The following SNTG1 variants were observed in gnomAD, a reference collection of about 807,000 sequenced individuals.
The protein encoded by SNTG1 is gamma-1-syntrophin.
In SNTG1, 39 loss-of-function variants were observed where a neutral mutation model predicts 74.7. The observed-to-expected ratio is 0.52, with a 90% CI of 0.40 to 0.68. The LOEUF (loss-of-function observed/expected upper bound fraction) is 0.68, where lower values mean the gene tolerates loss of function less well. Among genes scored for constraint, SNTG1 ranks in the 30% least tolerant of loss-of-function variants. The pLI is 0.00. For synonymous variants in SNTG1, 254 were observed against 217.1 expected (o/e 1.17, Z -1.49); for missense variants, 685 against 609.5 (o/e 1.12, Z -1.30).
At chr8:50,080,806 C>G (rs1490089850) in intron 1 of SNTG1, among the ~76,000 whole-genome samples, 5 of 152,216 alleles carry the variant, frequency 3.3e-5, no homozygotes, top group Non-Finnish European at 5.9e-5. Flanking sequence ...TACCTGCAAT[C>G]AGTTAGCAGC....
chr8:50,211,199 CTT>C (rs1438478804), intron 2 of SNTG1, among the ~76,000 whole-genome samples: 1 of 151,946 alleles, frequency 6.6e-6, no homozygotes, highest in Non-Finnish European at 1.5e-5. Flanking sequence ...AAGTACATAA[CTT>C]AGTGTAAAGA....
In SNTG1 at chr8:50,066,107, C is replaced by T. The variant is rs917980673; in HGVS notation, c.-102-106454C>T. Among the ~76,000 whole-genome samples, 7 of 152,220 alleles carry T rather than the reference C, an allele frequency of 4.6e-5. No individual in the cohort carries two copies. The South Asian group carries it at 1.0e-3, about 23-fold the overall frequency. Reference sequence around the variant, plus strand: ...GCACACGCCTTTAATCCCAGCTACTCAGGAGGCTGAGGCAGGAGAATCGCT... The same window carrying T: ...GCACACGCCTTTAATCCCAGCTACTTAGGAGGCTGAGGCAGGAGAATCGCT... On this transcript the variant is annotated intron_variant, in intron 1 of 18. Transcript: ENST00000642720.
chr8:50,766,529 G>C lies in SNTG1; in HGVS notation c.1395+14418G>C, dbSNP rs182612779. On this transcript the variant is annotated intron_variant, in intron 18 of 18. Transcript: ENST00000642720. ...TTGAGTATTTAAGATTTCATTATGAGACCAGGCTTGTTTTAGAGGGATTTA... is the reference window on the plus strand; with the variant it reads ...TTGAGTATTTAAGATTTCATTATGACACCAGGCTTGTTTTAGAGGGATTTA... 1.2e-3 allele frequency among the ~76,000 whole-genome samples: 187 copies of C among 151,972 alleles called. 1 individual carries two copies. Among genetic ancestry groups the C allele is most frequent in the Non-Finnish European group, 2.1e-3 (145 of 67,896 alleles).
intron 1 of SNTG1, among the ~76,000 whole-genome samples, chr8:49,915,972 A>G (rs533695740): frequency 1.3e-5 from 2 of 152,268 alleles, no homozygotes; most frequent in African/African-American, 4.8e-5. Context: ...TTTAAACGTC[A>G]CTATGATTTT....
chr8:50,752,798 A>C (rs7012353), intron 18 of SNTG1, among the ~76,000 whole-genome samples: 32,285 of 151,900 alleles, frequency 0.21, 5,209 homozygotes, highest in African/African-American at 0.46. Flanking sequence ...TTGGCAAAGT[A>C]TCCTGTAACA....
Position 50,296,097 on chromosome 8 carries a change from G to A in SNTG1, c.-27-98115G>A, listed in dbSNP as rs547722068. On this transcript the variant is annotated intron_variant, in intron 2 of 18. Transcript: ENST00000642720. The stretch of plus-strand genomic sequence containing the variant: ...CAGTAGACCACTCACAGCTCCCCAG[G>A]AGAGATGGAGAACACCATGTTCTGC... Among the ~76,000 whole-genome samples the A allele has an allele frequency of 3.9e-5, 6 of 152,182 alleles. No homozygotes were observed. The South Asian group carries it at 1.2e-3, about 32-fold the overall frequency.
intron 17 of SNTG1, among the ~76,000 whole-genome samples, chr8:50,729,142 G>A (rs1343135758): frequency 1.3e-5 from 2 of 152,194 alleles, no homozygotes; most frequent in East Asian, 1.9e-4. Context: ...GGCTGGTGAT[G>A]AGATGGACAC....
chr8:50,365,293 G>A (rs757549781), intron 2 of SNTG1, among the ~76,000 whole-genome samples: 13 of 152,032 alleles, frequency 8.6e-5, no homozygotes, highest in Non-Finnish European at 1.5e-4. Context: ...AAAGAGACAT[G>A]GTGAGATAAT....
At chr8:50,560,732 G>T (rs1375997971) in intron 12 of SNTG1, among the ~76,000 whole-genome samples, 1 of 152,064 alleles carries the variant, frequency 6.6e-6, no homozygotes, top group Non-Finnish European at 1.5e-5. Context: ...GGAGGGGAGG[G>T]AGAGCATCAA....
At position 50,794,206 on chromosome 8, in the gene SNTG1, A is replaced by G. The variant is rs2095699232; in HGVS notation, c.*1377A>G. On this transcript the variant is annotated 3_prime_UTR_variant, in exon 19 of 19. Coordinates refer to ENST00000642720, the MANE Select transcript of SNTG1 (RefSeq NM_018967.5). ...TCCTTGTGGAGATAACCAAGTATCTAATAAATTGATTCAATTTTTTTTTTC... is the reference window on the plus strand; with the variant it reads ...TCCTTGTGGAGATAACCAAGTATCTGATAAATTGATTCAATTTTTTTTTTC... 6.6e-6 allele frequency: 1 copy of G among 151,908 alleles called. No homozygotes were observed. The highest frequency in any genetic ancestry group is 2.4e-5 in the African/African-American group (1 of 41,400). 9.4% of individuals were successfully genotyped at this position (151,908 alleles called of 1,614,324 possible).
At chr8:50,775,399 A>G (rs1254914783) in intron 18 of SNTG1, among the ~76,000 whole-genome samples, 2 of 151,592 alleles carry the variant, frequency 1.3e-5, no homozygotes, top group Non-Finnish European at 3.0e-5. Context: ...TTGTATATAA[A>G]GGATTATTTA....
At chr8:50,276,060 A>G (rs1314968772) in intron 2 of SNTG1, among the ~76,000 whole-genome samples, 1 of 152,152 alleles carries the variant, frequency 6.6e-6, no homozygotes, top group East Asian at 1.9e-4. Context: ...TTGAATCTCT[A>G]CATATTTTAT....
intron 1 of SNTG1, among the ~76,000 whole-genome samples, chr8:50,092,545 C>T (rs377704475): frequency 6.6e-6 from 1 of 152,120 alleles, no homozygotes; most frequent in African/African-American, 2.4e-5. Flanking sequence ...TTCAGGACTC[C>T]CTGATATCCT....
At chr8:50,179,122 C>T (rs1394043831) in intron 2 of SNTG1, among the ~76,000 whole-genome samples, 2 of 152,068 alleles carry the variant, frequency 1.3e-5, no homozygotes, top group African/African-American at 2.4e-5. Context: ...ACCATGTATG[C>T]TTGGGTTGAT....
chr8:50,632,569 C>G (rs147979792), intron 13 of SNTG1, among the ~76,000 whole-genome samples: 2 of 152,000 alleles, frequency 1.3e-5, no homozygotes, highest in Admixed American at 6.6e-5. Context: ...CTTGGCCTCC[C>G]AAAGTGCTGA....
At chr8:50,564,392 A>G (rs1585699161) in intron 12 of SNTG1, among the ~76,000 whole-genome samples, 2 of 152,150 alleles carry the variant, frequency 1.3e-5, no homozygotes, top group African/African-American at 4.8e-5. Context: ...ATAATGATCA[A>G]TGAAGGATCA....
At chr8:49,939,245 A>T (rs922920104) in intron 1 of SNTG1, among the ~76,000 whole-genome samples, 2 of 152,172 alleles carry the variant, frequency 1.3e-5, no homozygotes, top group Non-Finnish European at 2.9e-5. Flanking sequence ...ATGGGTATAA[A>T]TTCATATGTT....
chr8:50,291,259 T>C (rs956594053), intron 2 of SNTG1, among the ~76,000 whole-genome samples: 2 of 151,868 alleles, frequency 1.3e-5, no homozygotes, highest in Admixed American at 1.3e-4. Flanking sequence ...TGTGTGTGTG[T>C]GTGTGTGTGT....
intron 5 of SNTG1, among the ~76,000 whole-genome samples, chr8:50,448,302 C>T (rs897510545): frequency 1.1e-4 from 17 of 151,592 alleles, no homozygotes; most frequent in Admixed American, 1.1e-3. Context: ...TTAGAAAGGA[C>T]TCTACTTGCC....
Sources: gnomAD v4.1 joint callset for allele counts (sites outside exome capture counted in the v4.1 genomes callset) on GRCh38, gnomAD v4.1.1 for gene constraint, MANE v1.5 for transcripts, NCBI Gene and HGNC (gene_info 2026-07-23, HGNC 2026-07-21) for gene names.